The following CR2 variants were observed in gnomAD, a reference collection of about 807,000 sequenced individuals.
CR2 encodes the protein complement C3d receptor 2.
A neutral mutation model predicts 123.0 loss-of-function variants in CR2; 96 were observed. That is an observed-to-expected ratio of 0.78 (90% CI 0.66 to 0.93). The LOEUF (loss-of-function observed/expected upper bound fraction) is 0.93. Among genes scored for constraint, CR2 ranks in the 40% least tolerant of loss-of-function variants. The pLI, the probability that CR2 is intolerant of heterozygous loss-of-function variation, is 0.00. For synonymous variants in CR2, 484 were observed against 469.5 expected (o/e 1.03, Z -0.40); for missense variants, 1,258 against 1,361.0 (o/e 0.92, Z 1.19).
At chr1:207,468,988 G>A in intron 4 of CR2, 89 bp downstream of exon 4, 6 of 1,477,176 alleles carry the variant, frequency 4.1e-6, no homozygotes, top group Non-Finnish European at 5.7e-6. Context: ...TCTCCTCTGT[G>A]AGGATCTCTG....
intron 3 of CR2, 25 bp from the exon 4 acceptor site, chr1:207,468,775 T>G (rs780861723): frequency 6.2e-7 from 1 of 1,613,964 alleles, no homozygotes; most frequent in East Asian, 2.2e-5. Context: ...TGCCATGCAT[T>G]TCTCATCTTT....
At chr1:207,483,117 C>T (rs139814376) in intron 18 of CR2, among the ~76,000 whole-genome samples, 36 of 152,210 alleles carry the variant, frequency 2.4e-4, no homozygotes, top group South Asian at 8.3e-4. Context: ...AGTGTTAGGG[C>T]GGATAATCCA....
At chr1:207,458,842 T>G (rs1443207005) in intron 1 of CR2, among the ~76,000 whole-genome samples, 1 of 152,220 alleles carries the variant, frequency 6.6e-6, no homozygotes, top group Non-Finnish European at 1.5e-5. Flanking sequence ...TGTTGGATTA[T>G]AAATTCTATG....
Position 207,468,601 on chromosome 1 carries a change from G to A in CR2, c.520G>A (p.Ala174Thr), listed in dbSNP as rs370389616. The change falls in exon 3 of 20, where the codon GCT becomes ACT. Residue 174 changes from alanine (A) to threonine (T), a missense_variant. Ala to Thr is a moderately conservative substitution (Grantham distance 58, BLOSUM62 0). Transcript: ENST00000367057. Reference sequence around the variant, plus strand: ...CACAAGTGAGAATGTTGGCTCCATTGCTCCAGGATTGTCTGTGACTTACAG... The same window carrying A: ...CACAAGTGAGAATGTTGGCTCCATTACTCCAGGATTGTCTGTGACTTACAG... ...HHTSENVGSI[A>T]PGLSVTYSCE... The A allele has an allele frequency of 1.2e-6, 2 of 1,613,964 alleles. No individual in the cohort carries two copies. Among genetic ancestry groups the A allele is most frequent in the Non-Finnish European group, 1.7e-6 (2 of 1,179,958 alleles).
chr1:207,467,287 C>G (rs1478411712), intron 2 of CR2, among the ~76,000 whole-genome samples: 1 of 151,802 alleles, frequency 6.6e-6, no homozygotes. Flanking sequence ...CAAAAATACA[C>G]CCAATGGATT....
At chr1:207,466,939 G>C in intron 2 of CR2, 27 bp downstream of exon 2, 1 of 1,556,540 alleles carries the variant, frequency 6.4e-7, no homozygotes, top group Non-Finnish European at 8.7e-7. Flanking sequence ...AGCTGGGTTG[G>C]GAGGTTGGGG....
rs1198092269 is a variant in CR2, at chr1:207,454,413, C to T, written c.-6C>T. Reference sequence around the variant, plus strand: ...CGCATCCCGCCGCGGGGGCTTCGGCCGTGGCATGGGCGCCGCGGGCCTGCT... The same window carrying T: ...CGCATCCCGCCGCGGGGGCTTCGGCTGTGGCATGGGCGCCGCGGGCCTGCT... On this transcript the variant is annotated 5_prime_UTR_variant, in exon 1 of 20. Transcript: ENST00000367057. The surrounding 1 kb of genome is among the most constrained non-coding windows in gnomAD (Gnocchi z 4.3). 1.9e-6 allele frequency: 3 copies of T among 1,580,344 alleles called. No individual in the cohort carries two copies. In the Admixed American group the frequency reaches 5.3e-5, roughly 28 times the overall value.
Position 207,454,816 on chromosome 1 carries a change from G to C in CR2, c.58+340G>C, listed in dbSNP as rs1268265402. 5 of 283,766 alleles carry C rather than the reference G, an allele frequency of 1.8e-5. No homozygotes were observed. The highest frequency in any genetic ancestry group is 2.7e-5 in the Non-Finnish European group (4 of 150,540). The allele number at this position is 283,766 out of a possible 1,614,324, so 17.6% of individuals were successfully genotyped here. ...AGGTGCTCATCGCTCTCTGGCCGGCGGTCAGCGCTACCGCTCGCCACGGGA... is the reference window on the plus strand; with the variant it reads ...AGGTGCTCATCGCTCTCTGGCCGGCCGTCAGCGCTACCGCTCGCCACGGGA... On this transcript the variant is annotated intron_variant, in intron 1 of 19. Coordinates refer to ENST00000367057, the MANE Select transcript of CR2 (RefSeq NM_001006658.3). The surrounding 1 kb of genome is among the most constrained non-coding windows in gnomAD (Gnocchi z 4.3).
intron 16 of CR2, among the ~76,000 whole-genome samples, chr1:207,479,024 A>G (rs1246353730): frequency 6.6e-6 from 1 of 152,060 alleles, no homozygotes; most frequent in Non-Finnish European, 1.5e-5. Context: ...AGGTCTCACT[A>G]TGTTGCCCAG....
At chr1:207,479,216 C>G in intron 16 of CR2, 41 bp from the exon 17 acceptor site, 1 of 1,492,148 alleles carries the variant, frequency 6.7e-7, no homozygotes, top group Non-Finnish European at 9.4e-7. Flanking sequence ...AATTATGACA[C>G]TATACTGATA....
chr1:207,475,252 G>A, intron 14 of CR2, 36 bp downstream of exon 14: 1 of 1,609,874 alleles, frequency 6.2e-7, no homozygotes, highest in South Asian at 1.1e-5. Context: ...ATGGGATGTT[G>A]TACAGAATAA....
chr1:207,469,369 A>T, intron 5 of CR2, 137 bp downstream of exon 5: 1 of 805,548 alleles, frequency 1.2e-6, no homozygotes, highest in South Asian at 1.4e-5. Flanking sequence ...TCACCAAAGC[A>T]TCCTTATTTT....
At chr1:207,467,312 A>T (rs1658129861) in intron 2 of CR2, among the ~76,000 whole-genome samples, 1 of 151,894 alleles carries the variant, frequency 6.6e-6, no homozygotes, top group Non-Finnish European at 1.5e-5. Flanking sequence ...ATTAATGTAT[A>T]AGTAGCTGCT....
intron 18 of CR2, among the ~76,000 whole-genome samples, chr1:207,482,718 T>G (rs1484905256): frequency 6.6e-6 from 1 of 151,870 alleles, no homozygotes; most frequent in Non-Finnish European, 1.5e-5. Flanking sequence ...TATTTGGGAG[T>G]TTTAATCAGG....
intron 18 of CR2, among the ~76,000 whole-genome samples, chr1:207,481,500 CTATT>C (rs1658601615): frequency 6.6e-6 from 1 of 152,064 alleles, no homozygotes; most frequent in Admixed American, 6.5e-5. Context: ...AAATTTTCTT[CTATT>C]TATTTTTGCA....
intron 1 of CR2, among the ~76,000 whole-genome samples, chr1:207,456,921 C>T (rs1461135144): frequency 6.6e-6 from 1 of 152,214 alleles, no homozygotes; most frequent in African/African-American, 2.4e-5. Flanking sequence ...TAGGTATTCT[C>T]TCTTTTGAAA....
At chr1:207,462,840 T>A (rs1658000058) in intron 1 of CR2, among the ~76,000 whole-genome samples, 1 of 152,178 alleles carries the variant, frequency 6.6e-6, no homozygotes, top group Admixed American at 6.5e-5. Flanking sequence ...ATATCATAGA[T>A]TAACAGAATA....
intron 1 of CR2, among the ~76,000 whole-genome samples, chr1:207,456,148 C>T (rs1302570997): frequency 2.0e-5 from 3 of 152,276 alleles, no homozygotes; most frequent in Middle Eastern, 6.8e-3. Flanking sequence ...TGTCTTCAGC[C>T]TTTCTAGCCC....
At chr1:207,487,579 C>G (rs1658784607) in intron 19 of CR2, among the ~76,000 whole-genome samples, 1 of 151,972 alleles carries the variant, frequency 6.6e-6, no homozygotes, top group African/African-American at 2.4e-5. Context: ...AGGTTTTTTT[C>G]TATAAAAAGG....
Sources: gnomAD v4.1 joint callset for allele counts (sites outside exome capture counted in the v4.1 genomes callset) on GRCh38, gnomAD v4.1.1 for gene constraint, Gnocchi (gnomAD v3.1) non-coding constraint, MANE v1.5 for transcripts, NCBI Gene and HGNC (gene_info 2026-07-23, HGNC 2026-07-21) for gene names.